Variants in GREB1 observed in about 807,000 individuals in gnomAD.
The protein encoded by GREB1 is growth regulating estrogen receptor binding 1, also known as protein GREB1.
In GREB1, 106 loss-of-function variants were observed where a neutral mutation model predicts 200.7. The ratio of observed to expected loss-of-function variants is 0.53; its 90% CI spans 0.45 to 0.62. The LOEUF (loss-of-function observed/expected upper bound fraction) is 0.62, where lower values mean the gene tolerates loss of function less well. Among genes scored for constraint, GREB1 ranks in the 20% least tolerant of loss-of-function variants. The pLI is 0.00. For synonymous variants in GREB1, 1,132 were observed against 1,092.4 expected, an observed-to-expected ratio of 1.04 and a Z score of -0.72; for missense variants, 2,243 against 2,556.8, an observed-to-expected ratio of 0.88 and a Z score of 2.65.
intron 14 of GREB1, among the ~76,000 whole-genome samples, chr2:11,598,250 G>T (rs567812662): frequency 1.8e-4 from 27 of 152,346 alleles, no homozygotes; most frequent in African/African-American, 6.5e-4. Flanking sequence ...TGATATCCTT[G>T]TACTTTCAAG....
chr2:11,516,850 G>A (rs1673523949), intron 1 of GREB1, among the ~76,000 whole-genome samples: 1 of 152,198 alleles, frequency 6.6e-6, no homozygotes, highest in Admixed American at 6.5e-5. Flanking sequence ...CTACCTAGTG[G>A]AGGAAGGAGG....
intron 1 of GREB1, among the ~76,000 whole-genome samples, chr2:11,504,540 C>T (rs929931409): frequency 6.6e-6 from 1 of 152,188 alleles, no homozygotes; most frequent in Non-Finnish European, 1.5e-5. Context: ...GAGTAGTCTC[C>T]ATTCCTTCCT....
chr2:11,524,393 T>G (rs781466794), intron 1 of GREB1, among the ~76,000 whole-genome samples: 3 of 152,150 alleles, frequency 2.0e-5, no homozygotes, highest in African/African-American at 4.8e-5. Context: ...CCATGACTCT[T>G]GAGGACAGGG....
intron 3 of GREB1, among the ~76,000 whole-genome samples, chr2:11,565,977 G>A (rs550486853): frequency 3.3e-5 from 5 of 151,942 alleles, no homozygotes; most frequent in Non-Finnish European, 5.9e-5. Context: ...TGGTGGCACC[G>A]ATACACAAAT....
At chr2:11,539,103 A>T (rs1002197762) in intron 1 of GREB1, among the ~76,000 whole-genome samples, 3 of 144,246 alleles carry the variant, frequency 2.1e-5, no homozygotes, top group Admixed American at 6.8e-5. Flanking sequence ...TCCAGGCTGG[A>T]GTGCAGTGGT....
chr2:11,527,843 A>G (rs1264227744), intron 1 of GREB1, among the ~76,000 whole-genome samples: 5 of 152,192 alleles, frequency 3.3e-5, no homozygotes, highest in Admixed American at 2.6e-4. Flanking sequence ...ACTTGACCCT[A>G]ATCCCAAAAG....
intron 2 of GREB1, 77 bp from the exon 3 acceptor site, chr2:11,562,386 G>T (rs1677152576): frequency 6.4e-7 from 1 of 1,573,884 alleles, no homozygotes; most frequent in Non-Finnish European, 8.6e-7. Flanking sequence ...GAGAATGCAG[G>T]CAGAGGAAAG....
At position 11,562,559 on chromosome 2, in the gene GREB1, C is replaced by G; in HGVS notation, c.254C>G (p.Pro85Arg). Reference protein sequence around the residue: ...PPNPFQLHPLPEGCCTTDGFC... With the variant: ...PPNPFQLHPLREGCCTTDGFC... ...AACCCTTTCCAGCTGCACCCTCTGCCTGAAGGATGCTGTACCACAGACGGT... is the reference window on the plus strand; with the variant it reads ...AACCCTTTCCAGCTGCACCCTCTGCGTGAAGGATGCTGTACCACAGACGGT... The change falls in exon 3 of 33, where the codon CCT (proline) becomes CGT (arginine). Residue 85 changes from proline (P) to arginine (R), a missense_variant. Around this residue, in one of 3 missense-constraint regions of GREB1, gnomAD observed 1,178 missense variants for 1,387.4 expected, o/e 0.85. Coordinates refer to ENST00000381486, the MANE Select transcript of GREB1 (RefSeq NM_014668.4). 1 of 1,599,262 alleles carries G rather than the reference C, an allele frequency of 6.3e-7. No homozygotes were observed. Among genetic ancestry groups the G allele is most frequent in the Non-Finnish European group, 8.5e-7 (1 of 1,173,664 alleles).
intron 17 of GREB1, among the ~76,000 whole-genome samples, chr2:11,610,346 A>G (rs1485525657): frequency 6.6e-6 from 1 of 152,162 alleles, no homozygotes; most frequent in African/African-American, 2.4e-5. Context: ...AGAGCTGCAC[A>G]TTGTGCTGAT....
intron 1 of GREB1, chr2:11,542,934 C>T (rs1674902849): frequency 6.6e-6 from 1 of 152,290 alleles, no homozygotes; most frequent in South Asian, 2.1e-4. Flanking sequence ...ATTTGGTACA[C>T]CTGGGGCTTT....
intron 4 of GREB1, among the ~76,000 whole-genome samples, chr2:11,575,014 G>A (rs940732071): frequency 7.9e-5 from 12 of 152,236 alleles, no homozygotes; most frequent in African/African-American, 2.4e-4. Context: ...AGGGAGTCCT[G>A]TAGGCCTCTG....
At chr2:11,602,946 G>C (rs988637921) in intron 17 of GREB1, among the ~76,000 whole-genome samples, 5 of 152,150 alleles carry the variant, frequency 3.3e-5, no homozygotes, top group African/African-American at 1.2e-4. Flanking sequence ...ACTCTTCCAT[G>C]GACTTTACTT....
chr2:11,491,682 G>A (rs1558480708), intron 1 of GREB1, among the ~76,000 whole-genome samples: 1 of 152,164 alleles, frequency 6.6e-6, no homozygotes, highest in Non-Finnish European at 1.5e-5. Flanking sequence ...TTCATGAAAA[G>A]TGTTCTTGGC....
chr2:11,583,814 G>A (rs1274644447), intron 7 of GREB1, among the ~76,000 whole-genome samples: 3 of 151,818 alleles, frequency 2.0e-5, no homozygotes, highest in African/African-American at 4.9e-5. Flanking sequence ...AGCTGAGGCC[G>A]CGCCACTGCA....
At chr2:11,593,159 C>A (rs768426511) in intron 11 of GREB1, 33 bp downstream of exon 11, 1 of 1,436,110 alleles carries the variant, frequency 7.0e-7, no homozygotes, top group Admixed American at 2.0e-5. Flanking sequence ...GCGGGAAAGC[C>A]CCCTGAACGG....
intron 1 of GREB1, among the ~76,000 whole-genome samples, chr2:11,528,930 G>T (rs1673974862): frequency 6.6e-6 from 1 of 152,150 alleles, no homozygotes; most frequent in Non-Finnish European, 1.5e-5. Flanking sequence ...TACTTGAAGT[G>T]CAGAGTTGCA....
intron 9 of GREB1, chr2:11,587,449 A>G (rs1396264593): frequency 1.1e-5 from 18 of 1,613,806 alleles, no homozygotes; most frequent in Non-Finnish European, 1.5e-5. Context: ...CCCGGAGCTT[A>G]TGAGAGGCGT....
rs138649257 is a variant in GREB1, at chr2:11,640,578, A to G, written c.*124A>G. On this transcript the variant is annotated 3_prime_UTR_variant, in exon 33 of 33. Coordinates refer to ENST00000381486, the MANE Select transcript of GREB1 (RefSeq NM_014668.4). The surrounding 1 kb of genome is among the most constrained non-coding windows in gnomAD (Gnocchi z 4.6). ...TGGACCCCAGGGACTGTCCAGGTGC[A>G]GCCCCTCCTAGTACACATGGGCCCC... The G allele has an allele frequency of 0.014, 15,977 of 1,110,300 alleles. 176 individuals carry two copies. Among genetic ancestry groups the G allele is most frequent in the Middle Eastern group, 0.035 (174 of 4,996 alleles). 68.8% of individuals were successfully genotyped at this position (1,110,300 alleles called of 1,614,324 possible).
chr2:11,637,150 C>A (rs956021707), intron 30 of GREB1, among the ~76,000 whole-genome samples: 2 of 150,696 alleles, frequency 1.3e-5, no homozygotes, highest in African/African-American at 4.9e-5. Flanking sequence ...GCGAGGAGGT[C>A]GGTATGGAGG....
Sources: gnomAD v4.1 joint callset for allele counts (sites outside exome capture counted in the v4.1 genomes callset) on GRCh38, gnomAD v4.1.1 for gene constraint, gnomAD v4.1.1 regional missense constraint, Gnocchi (gnomAD v3.1) non-coding constraint, MANE v1.5 for transcripts, NCBI Gene and HGNC (gene_info 2026-07-23, HGNC 2026-07-21) for gene names.